Variants in EIF4G3 observed in about 807,000 individuals in gnomAD.
EIF4G3 encodes the protein eukaryotic translation initiation factor 4 gamma 3.
A neutral mutation model predicts 186.4 loss-of-function variants in EIF4G3; 34 were observed. The observed-to-expected ratio is 0.18, with a 90% CI of 0.14 to 0.24. EIF4G3 has a LOEUF of 0.24. Ranked by LOEUF, EIF4G3 falls within the 10% of genes least tolerant of loss-of-function variation. EIF4G3 has a pLI of 1.00. For missense variants in EIF4G3, 1,536 were observed against 1,948.5 expected (o/e 0.79, Z 3.99); for synonymous variants, 673 against 679.5 (o/e 0.99, Z 0.15).
chr1:20,893,021 C>A (rs1214378276), intron 18 of EIF4G3: 1 of 317,000 alleles, frequency 3.2e-6, no homozygotes, highest in Non-Finnish European at 5.8e-6. Flanking sequence ...AATTCTCTCA[C>A]CTCAGTCTCC....
chr1:20,964,951 C>T (rs749355971), intron 12 of EIF4G3, among the ~76,000 whole-genome samples: 50 of 152,156 alleles, frequency 3.3e-4, no homozygotes, highest in Non-Finnish European at 6.2e-4. Flanking sequence ...AGTCGTCTTT[C>T]TCTCTCTCTC....
intron 30 of EIF4G3, among the ~76,000 whole-genome samples, chr1:20,836,163 G>A (rs544730153): frequency 1.1e-3 from 160 of 152,088 alleles, no homozygotes; most frequent in Non-Finnish European, 1.1e-3. Flanking sequence ...TGTATTTTTT[G>A]GTAGAGATAG....
At chr1:20,838,701 G>C (rs2067499774) in intron 30 of EIF4G3, among the ~76,000 whole-genome samples, 1 of 151,574 alleles carries the variant, frequency 6.6e-6, no homozygotes, top group Non-Finnish European at 1.5e-5. Flanking sequence ...TTTTTCCCCA[G>C]ACGTGGTCTC....
rs1214389725 is a variant in EIF4G3 at position 20,810,540 on chromosome 1, G to A, written c.4744+198C>T. 2.0e-5 allele frequency among the ~76,000 whole-genome samples: 3 copies of A among 152,170 alleles called. No homozygotes were observed. Among genetic ancestry groups the A allele is most frequent in the Admixed American group, 2.0e-4 (3 of 15,290 alleles). The stretch of plus-strand genomic sequence containing the variant: ...TGACCTCAAGTGATCTGCCTGCCGT[G>A]GCCTCCCAAAGTGCTGGGATTATAG... On this transcript the variant is annotated intron_variant, in intron 36 of 36. Transcript: ENST00000602326. The surrounding 1 kb of genome is among the most constrained non-coding windows in gnomAD (Gnocchi z 4.1).
At chr1:20,995,020 A>G (rs985972142) in intron 7 of EIF4G3, among the ~76,000 whole-genome samples, 1 of 152,144 alleles carries the variant, frequency 6.6e-6, no homozygotes, top group Non-Finnish European at 1.5e-5. Flanking sequence ...ATCTGCTAAC[A>G]CTTTACTGAG....
At chr1:20,930,586 G>C (rs1038849148) in intron 14 of EIF4G3, among the ~76,000 whole-genome samples, 2 of 152,090 alleles carry the variant, frequency 1.3e-5, no homozygotes, top group South Asian at 2.1e-4. Flanking sequence ...TTTTCTTAGA[G>C]ATGGGGTCTC....
At chr1:20,843,373 C>T (rs917230221) in intron 29 of EIF4G3, among the ~76,000 whole-genome samples, 6 of 151,888 alleles carry the variant, frequency 4.0e-5, no homozygotes, top group Admixed American at 2.0e-4. Flanking sequence ...AAAAATTAGC[C>T]GTGTGTAGTG....
intron 15 of EIF4G3, among the ~76,000 whole-genome samples, chr1:20,902,592 T>C (rs1199719061): frequency 6.6e-6 from 1 of 152,206 alleles, no homozygotes; most frequent in Non-Finnish European, 1.5e-5. Context: ...GAAGTCACTA[T>C]GTAAAAAGCA....
chr1:21,095,618 T>C (rs1292737390), intron 2 of EIF4G3, among the ~76,000 whole-genome samples: 4 of 152,198 alleles, frequency 2.6e-5, no homozygotes, highest in African/African-American at 9.6e-5. Context: ...TGACCTATAT[T>C]AGATTTTTAA....
chr1:21,047,483 G>A (rs2093958459), intron 4 of EIF4G3, among the ~76,000 whole-genome samples: 2 of 152,102 alleles, frequency 1.3e-5, no homozygotes, highest in South Asian at 4.2e-4. Flanking sequence ...GAGCTCAGAG[G>A]AACTTTGTCT....
At chr1:21,044,566 T>A (rs2093765377) in intron 4 of EIF4G3, among the ~76,000 whole-genome samples, 1 of 152,134 alleles carries the variant, frequency 6.6e-6, no homozygotes, top group Non-Finnish European at 1.5e-5. Flanking sequence ...AGAATTTATA[T>A]TCTTCACAAA....
intron 4 of EIF4G3, among the ~76,000 whole-genome samples, chr1:21,015,910 A>G (rs1161530618): frequency 1.3e-5 from 2 of 152,178 alleles, no homozygotes; most frequent in Admixed American, 6.5e-5. Flanking sequence ...CCTACAAGAA[A>G]TGACCAAAGA....
At chr1:21,104,423 A>C (rs1315497257) in intron 2 of EIF4G3, among the ~76,000 whole-genome samples, 2 of 152,238 alleles carry the variant, frequency 1.3e-5, no homozygotes, top group Admixed American at 6.5e-5. Context: ...ATGAACAAAC[A>C]CTTTTCTAAA....
intron 2 of EIF4G3, among the ~76,000 whole-genome samples, chr1:21,163,252 C>T (rs1055877991): frequency 4.6e-5 from 7 of 152,186 alleles, no homozygotes; most frequent in African/African-American, 1.2e-4. Flanking sequence ...AATACACTCA[C>T]TCAGTCACAC....
chr1:20,828,509 T>C (rs909864251), intron 31 of EIF4G3, among the ~76,000 whole-genome samples: 5 of 152,214 alleles, frequency 3.3e-5, no homozygotes, highest in African/African-American at 9.6e-5. Context: ...TTTTTATTTA[T>C]TGCTTTACTA....
At chr1:20,917,851 C>T (rs1455711481) in intron 14 of EIF4G3, among the ~76,000 whole-genome samples, 2 of 152,046 alleles carry the variant, frequency 1.3e-5, no homozygotes, top group African/African-American at 4.8e-5. Context: ...TATTACACAA[C>T]TATCAAAATA....
At chr1:21,034,572 G>C (rs972487579) in intron 4 of EIF4G3, among the ~76,000 whole-genome samples, 4 of 152,142 alleles carry the variant, frequency 2.6e-5, no homozygotes, top group Non-Finnish European at 5.9e-5. Flanking sequence ...AGACAATTTT[G>C]CCAAGTAAAC....
chr1:21,092,084 A>G (rs1289942483), intron 2 of EIF4G3, among the ~76,000 whole-genome samples: 1 of 152,164 alleles, frequency 6.6e-6, no homozygotes, highest in Non-Finnish European at 1.5e-5. Flanking sequence ...TTCAAAGGGA[A>G]TGCTTCCAGT....
chr1:20,886,599 C>G (rs2084231263), intron 18 of EIF4G3, among the ~76,000 whole-genome samples: 1 of 152,124 alleles, frequency 6.6e-6, no homozygotes, highest in Non-Finnish European at 1.5e-5. Context: ...CCTTTTTGAA[C>G]CAGATGTTTG....
Sources: gnomAD v4.1 joint callset for allele counts (sites outside exome capture counted in the v4.1 genomes callset) on GRCh38, gnomAD v4.1.1 for gene constraint, Gnocchi (gnomAD v3.1) non-coding constraint, MANE v1.5 for transcripts, NCBI Gene and HGNC (gene_info 2026-07-23, HGNC 2026-07-21) for gene names.